SLC22A14: variants seen among roughly 807,000 people sequenced by gnomAD.
SLC22A14 encodes the protein organic cation transporter-like 4.
A neutral mutation model predicts 53.9 loss-of-function variants in SLC22A14; 50 were observed. The ratio of observed to expected loss-of-function variants is 0.93; its 90% CI spans 0.74 to 1.17. The LOEUF (loss-of-function observed/expected upper bound fraction) is 1.17. SLC22A14 is among the 50% of genes most tolerant of loss of function. The pLI is 0.00. For missense variants in SLC22A14, 671 were observed against 734.7 expected, an observed-to-expected ratio of 0.91 and a Z score of 1.00; for synonymous variants, 312 against 303.0, an observed-to-expected ratio of 1.03 and a Z score of -0.31.
In SLC22A14 at chr3:38,316,542, C is replaced by T; in HGVS notation, c.1733+18C>T. ...CAGATAAGGTAGGTGTGGGAGCCTC[C>T]TGGGCTGTGCCAGCACGGGGCCTGG... On this transcript the variant is annotated intron_variant, in intron 10 of 10. Coordinates refer to ENST00000448498, the MANE Select transcript of SLC22A14 (RefSeq NM_001320033.2). The T allele has an allele frequency of 1.2e-6, 2 of 1,611,448 alleles. No individual in the cohort carries two copies. Among genetic ancestry groups the T allele is most frequent in the Non-Finnish European group, 1.7e-6 (2 of 1,177,932 alleles).
At chr3:38,292,886 C>T (rs1266979405) in intron 1 of SLC22A14, among the ~76,000 whole-genome samples, 2 of 151,352 alleles carry the variant, frequency 1.3e-5, no homozygotes, top group African/African-American at 4.9e-5. Flanking sequence ...TCCCCAGTCA[C>T]AACTTAGTGG....
intron 1 of SLC22A14, among the ~76,000 whole-genome samples, chr3:38,290,905 C>A (rs1703900037): frequency 6.6e-6 from 1 of 152,064 alleles, no homozygotes; most frequent in Non-Finnish European, 1.5e-5. Flanking sequence ...TCTGATGACC[C>A]TGGCAGTGTA....
At chr3:38,294,342 C>A (rs1260450519) in intron 1 of SLC22A14, among the ~76,000 whole-genome samples, 1 of 152,108 alleles carries the variant, frequency 6.6e-6, no homozygotes, top group Non-Finnish European at 1.5e-5. Flanking sequence ...ACTCCATTTG[C>A]CTTCTTTCTA....
At position 38,313,483 on chromosome 3, in the gene SLC22A14, G is replaced by A. The variant is rs1196035594; in HGVS notation, c.1161G>A (p.Val387=). The A allele has an allele frequency of 6.2e-7, 1 of 1,604,934 alleles. No homozygotes were observed. The highest frequency in any genetic ancestry group is 1.3e-5 in the African/African-American group (1 of 74,752). Residue 387 remains valine (V), a splice_region_variant and synonymous_variant, in exon 7 of 11, where the codon GTG becomes GTA. Coordinates refer to ENST00000448498, the MANE Select transcript of SLC22A14 (RefSeq NM_001320033.2). The part of the protein sequence containing the change: ...LCKVTLVMSC[V]WFTVSYTYFT... Reference sequence around the variant, plus strand: ...AGGTGACCTTGGTGATGAGCTGTGTGTGGTGAGTATCCAGGGCTCGCTGGC... The same window carrying A: ...AGGTGACCTTGGTGATGAGCTGTGTATGGTGAGTATCCAGGGCTCGCTGGC...
rs543200456 is a variant in SLC22A14 at position 38,301,064 on chromosome 3, C to A, written c.1-4963C>A. Among the ~76,000 whole-genome samples, 4 of 152,202 alleles carry A rather than the reference C, an allele frequency of 2.6e-5. No homozygotes were observed. In the East Asian group the frequency reaches 7.7e-4, roughly 29 times the overall value. On this transcript the variant is annotated intron_variant, in intron 1 of 10. Transcript: ENST00000448498. ...GAACTCCTGGCCTCAGGCATTTCTC[C>A]CCCCTCAGCCTCCCCAAATGCTGGG...
intron 10 of SLC22A14, among the ~76,000 whole-genome samples, chr3:38,316,994 C>T (rs1282156777): frequency 6.6e-6 from 1 of 152,226 alleles, no homozygotes; most frequent in Non-Finnish European, 1.5e-5. Context: ...AGCCCAGGAC[C>T]CCATTTGGGA....
In SLC22A14 at chr3:38,306,436, T is replaced by G; in HGVS notation, c.410T>G (p.Val137Gly). 5 of 1,614,224 alleles carry G rather than the reference T, an allele frequency of 3.1e-6. No homozygotes were observed. The highest frequency in any genetic ancestry group is 4.2e-6 in the Non-Finnish European group (5 of 1,180,034). Residue 137 changes from valine to glycine, a missense_variant, in exon 2 of 11, where the codon GTG becomes GGG. By Grantham distance (109) the Val-to-Gly change is moderately radical. Coordinates refer to ENST00000448498, the MANE Select transcript of SLC22A14 (RefSeq NM_001320033.2). ...SFLTCFMYLP[V>G]PWNLDSIIQF... ...CTGACATGCTTCATGTACCTTCCTG[T>G]GCCTTGGAATCTGGATTCTATCATC...
intron 1 of SLC22A14, among the ~76,000 whole-genome samples, chr3:38,290,719 T>C (rs1384469892): frequency 6.6e-6 from 1 of 152,262 alleles, no homozygotes; most frequent in Non-Finnish European, 1.5e-5. Flanking sequence ...AACTATGTCC[T>C]CATGAGGTTC....
intron 10 of SLC22A14, among the ~76,000 whole-genome samples, chr3:38,317,636 G>T (rs1470613405): frequency 6.6e-6 from 1 of 152,162 alleles, no homozygotes; most frequent in Non-Finnish European, 1.5e-5. Flanking sequence ...GCACGGAGAA[G>T]TTACCTCATA....
chr3:38,291,639 C>T (rs923444003), intron 1 of SLC22A14, among the ~76,000 whole-genome samples: 5 of 152,214 alleles, frequency 3.3e-5, no homozygotes, highest in Non-Finnish European at 5.9e-5. Context: ...AGGTATGCCA[C>T]GGGATGCAAG....
chr3:38,285,004 C>G (rs1703759032), intron 1 of SLC22A14, among the ~76,000 whole-genome samples: 1 of 152,098 alleles, frequency 6.6e-6, no homozygotes, highest in Admixed American at 6.5e-5. Context: ...GCCTTCTGCA[C>G]CATAATGTGT....
chr3:38,296,804 G>A (rs1704049260), intron 1 of SLC22A14, among the ~76,000 whole-genome samples: 1 of 152,200 alleles, frequency 6.6e-6, no homozygotes, highest in African/African-American at 2.4e-5. Flanking sequence ...GCACTTAGCT[G>A]TGCAGGAACA....
chr3:38,309,041 G>T lies in SLC22A14; in HGVS notation c.863G>T (p.Gly288Val). 6.2e-7 allele frequency: 1 copy of T among 1,614,076 alleles called. No individual in the cohort carries two copies. Among genetic ancestry groups the T allele is most frequent in the Non-Finnish European group, 8.5e-7 (1 of 1,179,908 alleles). ...GCTGTTGGGGCCGTGTTGCTGACAG[G>T]GATCGCCTACAGTCTTCCCCACTGG... ...FFAVGAVLLTGIAYSLPHWQL... is the reference protein window; with the variant it reads ...FFAVGAVLLTVIAYSLPHWQL... The change falls in exon 5 of 11, where the codon GGG (glycine) becomes GTG (valine). Residue 288 changes from glycine to valine, a missense_variant. Physicochemically the swap from Gly to Val is moderately radical, Grantham distance 109 (BLOSUM62 -3). Transcript: ENST00000448498.
intron 1 of SLC22A14, among the ~76,000 whole-genome samples, chr3:38,282,867 A>G (rs921258508): frequency 3.3e-5 from 5 of 152,140 alleles, no homozygotes; most frequent in Admixed American, 1.3e-4. Flanking sequence ...AGCCTTACAC[A>G]CATACATCCT....
chr3:38,309,929 G>T (rs1185388964), intron 5 of SLC22A14, among the ~76,000 whole-genome samples: 1 of 152,170 alleles, frequency 6.6e-6, no homozygotes, highest in Non-Finnish European at 1.5e-5. Context: ...GGGAGGTGGG[G>T]AGGAGGGAGA....
intron 1 of SLC22A14, among the ~76,000 whole-genome samples, chr3:38,286,363 C>T (rs543613914): frequency 7.2e-5 from 11 of 152,080 alleles, no homozygotes; most frequent in East Asian, 1.9e-4. Flanking sequence ...GTAGGCCACA[C>T]GAGTTTCCTC....
upstream of SLC22A14, among the ~76,000 whole-genome samples, chr3:38,280,611 A>G (rs1480151688): frequency 6.6e-6 from 1 of 150,850 alleles, no homozygotes; most frequent in Non-Finnish European, 1.5e-5. Context: ...GGCTCTTCTC[A>G]ACCCAGAGAG....
intron 1 of SLC22A14, among the ~76,000 whole-genome samples, chr3:38,286,496 C>G (rs1250887566): frequency 6.6e-6 from 1 of 151,680 alleles, no homozygotes; most frequent in East Asian, 1.9e-4. Flanking sequence ...CTCACTGCAA[C>G]CTCTGCCTCC....
chr3:38,311,270 CCT>C (rs1704461131), intron 5 of SLC22A14, among the ~76,000 whole-genome samples: 1 of 152,166 alleles, frequency 6.6e-6, no homozygotes, highest in Admixed American at 6.5e-5. Context: ...AGTTGTGTCC[CCT>C]AGGCTTTGGC....
Sources: allele counts gnomAD v4.1 joint callset (sites outside exome capture counted in the v4.1 genomes callset), GRCh38; gene constraint gnomAD v4.1.1; transcripts MANE v1.5; gene names NCBI Gene and HGNC (gene_info 2026-07-23, HGNC 2026-07-21).